Variants in ABCA3 observed in about 807,000 individuals in gnomAD.
The protein encoded by ABCA3 is phospholipid-transporting ATPase ABCA3.
Under a neutral mutation model 172.8 loss-of-function variants are expected in ABCA3, and 88 were observed. The observed-to-expected ratio is 0.51, with a 90% CI of 0.43 to 0.61. ABCA3 has a LOEUF of 0.61. Ranked by LOEUF, ABCA3 falls within the 20% of genes least tolerant of loss-of-function variation. The pLI, the probability that ABCA3 is intolerant of heterozygous loss-of-function variation, is 0.00. For missense variants in ABCA3, 2,164 were observed against 2,301.0 expected, an observed-to-expected ratio of 0.94 and a Z score of 1.22; for synonymous variants, 1,066 against 983.8, an observed-to-expected ratio of 1.08 and a Z score of -1.56.
At chr16:2,301,093 T>A (rs941632761) in intron 12 of ABCA3, among the ~76,000 whole-genome samples, 1 of 151,164 alleles carries the variant, frequency 6.6e-6, no homozygotes, top group Admixed American at 6.6e-5. Flanking sequence ...TAGCCGGGCG[T>A]GGTGGTGGGC....
rs2093658484 is a variant in ABCA3 at position 2,283,636 on chromosome 16, T to G, written c.3863-278A>C. The G allele has an allele frequency of 4.3e-6, 2 of 464,526 alleles. No homozygotes were observed. The highest frequency in any genetic ancestry group is 8.4e-5 in the East Asian group (2 of 23,908). The allele number at this position is 464,526 out of a possible 1,614,324, so 28.8% of individuals were successfully genotyped here. On this transcript the variant is annotated intron_variant, in intron 25 of 32. Coordinates refer to ENST00000301732, the MANE Select transcript of ABCA3 (RefSeq NM_001089.3). The surrounding 1 kb of genome is among the most constrained non-coding windows in gnomAD (Gnocchi z 5.4). ...AGAGGCACAGGCTCTGCGTGAATCC[T>G]GGGCTGCCTCCTGACCAGGACAGAG...
At chr16:2,323,468 C>T in intron 7 of ABCA3, 55 bp downstream of exon 7, 1 of 1,609,424 alleles carries the variant, frequency 6.2e-7, no homozygotes, top group Non-Finnish European at 8.5e-7. Context: ...CCCCATATGA[C>T]TGTCACTAGT....
intron 1 of ABCA3, among the ~76,000 whole-genome samples, chr16:2,337,548 ATT>A (rs544223399): frequency 3.8e-4 from 48 of 125,106 alleles, no homozygotes; most frequent in Non-Finnish European, 2.8e-4. Context: ...TAATTGTTTG[ATT>A]TTTTTTTTTT....
chr16:2,317,786 C>G (rs1425401413), intron 8 of ABCA3, 22 bp from the exon 9 acceptor site: 3 of 1,609,818 alleles, frequency 1.9e-6, no homozygotes, highest in African/African-American at 2.7e-5. Flanking sequence ...AGCCATCACG[C>G]TGCTGGGGGC....
In ABCA3 at chr16:2,284,094, A is replaced by G; in HGVS notation, c.3862+185T>C. On this transcript the variant is annotated intron_variant, in intron 25 of 32. Transcript: ENST00000301732. The surrounding 1 kb of genome is among the most constrained non-coding windows in gnomAD (Gnocchi z 5.9). Reference sequence around the variant, plus strand: ...CAGGTGGGAGAGTGGGAGCTCAGGTACAGGGCCTGGGAGCGAGCGGGCGCG... The same window carrying G: ...CAGGTGGGAGAGTGGGAGCTCAGGTGCAGGGCCTGGGAGCGAGCGGGCGCG... The G allele has an allele frequency of 1.5e-6, 1 of 655,844 alleles. No homozygotes were observed. Among genetic ancestry groups the G allele is most frequent in the South Asian group, 2.0e-5 (1 of 51,272 alleles). 40.6% of individuals were successfully genotyped at this position (655,844 alleles called of 1,614,324 possible).
chr16:2,319,967 C>T, intron 7 of ABCA3, 127 bp from the exon 8 acceptor site: 1 of 1,258,180 alleles, frequency 7.9e-7, no homozygotes, highest in Non-Finnish European at 1.1e-6. Context: ...GCTCAGGACC[C>T]CCGTGGCCGC....
chr16:2,319,450 A>G lies in ABCA3; in HGVS notation c.873+131T>C, dbSNP rs1415738422. On this transcript the variant is annotated intron_variant, in intron 8 of 32. Coordinates refer to ENST00000301732, the MANE Select transcript of ABCA3 (RefSeq NM_001089.3). ...CAGTGAGCCGAGATCGCACCACTGC[A>G]CTCCAGCCTGGGCGACAGAGCGAGA... The G allele has an allele frequency of 5.5e-6, 7 of 1,269,102 alleles. No homozygotes were observed. In the East Asian group the frequency reaches 1.3e-4, roughly 23 times the overall value. The allele number at this position is 1,269,102 out of a possible 1,614,324, so 78.6% of individuals were successfully genotyped here.
In ABCA3 at chr16:2,293,698, C is replaced by T. The variant is rs193250062; in HGVS notation, c.2415-1460G>A. On this transcript the variant is annotated intron_variant, in intron 18 of 32. Coordinates refer to ENST00000301732, the MANE Select transcript of ABCA3 (RefSeq NM_001089.3). ...GACTACAGGTGCCCGCCACCACGCC[C>T]GGCTAATTTTGTTTTTGTATTTTTA... Among the ~76,000 whole-genome samples the T allele has an allele frequency of 7.8e-4, 118 of 151,818 alleles. 2 individuals are homozygous for T. The East Asian group carries it at 0.015, about 19-fold the overall frequency.
chr16:2,289,517 TG>T lies in ABCA3; in HGVS notation c.2616del (p.Ser872ArgfsTer42). ...GAGGGGTCCATGGCCCCACAGAGGT[TG>T]CTGTCCACAGCCCAGTCGCTGGCGC... ...ERRASDWAVD[S>X]NLCGAMDPSD... On this transcript the variant is annotated frameshift_variant, in exon 20 of 33. Coordinates refer to ENST00000301732, the MANE Select transcript of ABCA3 (RefSeq NM_001089.3). LOFTEE classifies it high-confidence loss of function. The T allele has an allele frequency of 6.3e-7, 1 of 1,588,968 alleles. No individual in the cohort carries two copies. The highest frequency in any genetic ancestry group is 8.6e-7 in the Non-Finnish European group (1 of 1,169,068).
chr16:2,319,632 GGTGTA>G lies in ABCA3; in HGVS notation c.817_821del (p.Tyr273ArgfsTer138), dbSNP rs775903641. The G allele has an allele frequency of 3.7e-6, 6 of 1,613,452 alleles. No homozygotes were observed. Among genetic ancestry groups the G allele is most frequent in the African/African-American group, 1.3e-5 (1 of 74,888 alleles). On this transcript the variant is annotated frameshift_variant, in exon 8 of 33. Transcript: ENST00000301732. LOFTEE classifies it high-confidence loss of function. The stretch of plus-strand genomic sequence containing the variant: ...CGACAGCACGGGCAATGGTGAGCGC[GGTGTA>G]GGTGAAGCTGAGCAGCAGCAGCAGG...
At chr16:2,322,217 A>G (rs2141735880) in intron 7 of ABCA3, among the ~76,000 whole-genome samples, 1 of 151,980 alleles carries the variant, frequency 6.6e-6, no homozygotes, top group East Asian at 1.9e-4. Flanking sequence ...AAAAGAAAAA[A>G]AGCTGAAATA....
chr16:2,326,697 A>C (rs2093734968), intron 3 of ABCA3, among the ~76,000 whole-genome samples: 1 of 152,170 alleles, frequency 6.6e-6, no homozygotes, highest in Non-Finnish European at 1.5e-5. Context: ...CAAAGAGCAT[A>C]GTCTTTTTGG....
chr16:2,303,581 T>C (rs1219813276), intron 12 of ABCA3, among the ~76,000 whole-genome samples: 1 of 152,128 alleles, frequency 6.6e-6, no homozygotes, highest in Admixed American at 6.5e-5. Context: ...AATGTGAACA[T>C]TTTTATAAGA....
At position 2,283,042 on chromosome 16, in the gene ABCA3, G is replaced by T; in HGVS notation, c.4035+144C>A. Reference sequence around the variant, plus strand: ...CCCGCCCTGGCTGTAAGTGCCGGCTGGTGCTGAGGCCGTACAGTGGGAGAC... The same window carrying T: ...CCCGCCCTGGCTGTAAGTGCCGGCTTGTGCTGAGGCCGTACAGTGGGAGAC... On this transcript the variant is annotated intron_variant, in intron 26 of 32. Coordinates refer to ENST00000301732, the MANE Select transcript of ABCA3 (RefSeq NM_001089.3). The surrounding 1 kb of genome is among the most constrained non-coding windows in gnomAD (Gnocchi z 5.4). 1 of 957,876 alleles carries T rather than the reference G, an allele frequency of 1.0e-6. No homozygotes were observed. 59.3% of individuals were successfully genotyped at this position (957,876 alleles called of 1,614,324 possible).
In ABCA3 at chr16:2,281,516, G is replaced by A; in HGVS notation, c.4036-7C>T. The A allele has an allele frequency of 1.3e-6, 2 of 1,577,932 alleles. No individual in the cohort carries two copies. Among genetic ancestry groups the A allele is most frequent in the East Asian group, 2.4e-5 (1 of 42,108 alleles). On this transcript the variant is annotated splice_polypyrimidine_tract_variant and splice_region_variant and intron_variant, in intron 26 of 32. Coordinates refer to ENST00000301732, the MANE Select transcript of ABCA3 (RefSeq NM_001089.3). The surrounding 1 kb of genome is among the most constrained non-coding windows in gnomAD (Gnocchi z 4.7). ...TCCGGGTGTATAATTCTGTCTGATT[G>A]ACCAGGACAAAGACCGCATGCGTGA...
intron 11 of ABCA3, among the ~76,000 whole-genome samples, chr16:2,305,727 G>C (rs775799572): frequency 1.1e-4 from 16 of 152,146 alleles, no homozygotes; most frequent in Non-Finnish European, 2.2e-4. Flanking sequence ...ATCCAGCCTA[G>C]TATAACTATT....
chr16:2,283,178 C>T lies in ABCA3; in HGVS notation c.4035+8G>A, dbSNP rs1345685521. ...TCGCCAGTGTCCTGGGCTCCCGGAGCCACTCACCAGTGTCCGCCTCCTCCG... is the reference window on the plus strand; with the variant it reads ...TCGCCAGTGTCCTGGGCTCCCGGAGTCACTCACCAGTGTCCGCCTCCTCCG... On this transcript the variant is annotated splice_region_variant and intron_variant, in intron 26 of 32. Coordinates refer to ENST00000301732, the MANE Select transcript of ABCA3 (RefSeq NM_001089.3). The surrounding 1 kb of genome is among the most constrained non-coding windows in gnomAD (Gnocchi z 5.4). 1 of 1,612,462 alleles carries T rather than the reference C, an allele frequency of 6.2e-7. No individual in the cohort carries two copies. Among genetic ancestry groups the T allele is most frequent in the Non-Finnish European group, 8.5e-7 (1 of 1,179,718 alleles).
intron 7 of ABCA3, among the ~76,000 whole-genome samples, chr16:2,320,975 C>G (rs2093725150): frequency 7.2e-6 from 1 of 138,242 alleles, no homozygotes; most frequent in African/African-American, 2.6e-5. Context: ...TTTCCCCAGT[C>G]TGCTATGTGC....
chr16:2,319,233 C>T (rs2093721575), intron 8 of ABCA3, among the ~76,000 whole-genome samples: 1 of 152,092 alleles, frequency 6.6e-6, no homozygotes, highest in African/African-American at 2.4e-5. Flanking sequence ...CGCCTGTAAT[C>T]CCAGCACTTC....
Sources: gnomAD v4.1 joint callset for allele counts (sites outside exome capture counted in the v4.1 genomes callset) on GRCh38, gnomAD v4.1.1 for gene constraint, Gnocchi (gnomAD v3.1) non-coding constraint, MANE v1.5 for transcripts, NCBI Gene and HGNC (gene_info 2026-07-23, HGNC 2026-07-21) for gene names.